The following CYP19A1 variants were observed in gnomAD, a reference collection of about 807,000 sequenced individuals.
CYP19A1 encodes aromatase.
Under a neutral mutation model 44.4 loss-of-function variants are expected in CYP19A1, and 32 were observed. The observed-to-expected ratio is 0.72, with a 90% CI of 0.54 to 0.97. The LOEUF (loss-of-function observed/expected upper bound fraction) is 0.97. Ranked by LOEUF, CYP19A1 falls within the 50% of genes least tolerant of loss-of-function variation. The pLI, the probability that CYP19A1 is intolerant of heterozygous loss-of-function variation, is 0.00. For synonymous variants in CYP19A1, 212 were observed against 215.6 expected (o/e 0.98, Z 0.14); for missense variants, 598 against 637.8 (o/e 0.94, Z 0.67).
Position 51,210,617 on chromosome 15 carries a change from G to T in CYP19A1, c.*191C>A, listed in dbSNP as rs190403648. ...GCCTCTGCTTTTTCTCTTGTAGCCTGGTTCTCTGGTGTGAACAGGAGCAGA... is the reference window on the plus strand; with the variant it reads ...GCCTCTGCTTTTTCTCTTGTAGCCTTGTTCTCTGGTGTGAACAGGAGCAGA... On this transcript the variant is annotated 3_prime_UTR_variant, in exon 10 of 10. Transcript: ENST00000396402. 480 of 718,514 alleles carry T rather than the reference G, an allele frequency of 6.7e-4. 1 individual carries two copies. The highest frequency in any genetic ancestry group is 2.2e-4 in the Non-Finnish European group (85 of 390,890). 44.5% of individuals were successfully genotyped at this position (718,514 alleles called of 1,614,324 possible).
At chr15:51,241,906 C>T (rs1167553453) in intron 2 of CYP19A1, among the ~76,000 whole-genome samples, 1 of 152,116 alleles carries the variant, frequency 6.6e-6, no homozygotes. Context: ...GCCCACCACA[C>T]TTACCAGTGT....
intron 1 of CYP19A1, among the ~76,000 whole-genome samples, chr15:51,259,026 A>C (rs752624700): frequency 1.8e-4 from 28 of 152,166 alleles, no homozygotes; most frequent in Non-Finnish European, 3.4e-4. Context: ...GTGGCAGTTT[A>C]GGCAAATCAG....
At chr15:51,286,577 C>A (rs919568924) in intron 1 of CYP19A1, among the ~76,000 whole-genome samples, 2 of 152,118 alleles carry the variant, frequency 1.3e-5, no homozygotes, top group African/African-American at 2.4e-5. Context: ...ATGTCCAAAG[C>A]CCATGGTGTA....
chr15:51,215,905 G>A (rs2031526604), intron 6 of CYP19A1, 88 bp from the exon 7 acceptor site: 5 of 1,592,286 alleles, frequency 3.1e-6, no homozygotes, highest in Non-Finnish European at 4.3e-6. Flanking sequence ...TAGGTAAAAT[G>A]ATCTGCTTTA....
At chr15:51,267,806 T>C (rs756577250) in intron 1 of CYP19A1, among the ~76,000 whole-genome samples, 41 of 152,318 alleles carry the variant, frequency 2.7e-4, no homozygotes, top group Non-Finnish European at 5.6e-4. Flanking sequence ...GGATTGCCAT[T>C]GAAACCAGCC....
intron 1 of CYP19A1, among the ~76,000 whole-genome samples, chr15:51,268,924 A>AAT (rs1020122098): frequency 2.6e-5 from 4 of 151,936 alleles, no homozygotes; most frequent in Admixed American, 6.6e-5. Flanking sequence ...TGACTTTTTT[A>AAT]ATATATATAT....
intron 4 of CYP19A1, among the ~76,000 whole-genome samples, chr15:51,225,383 C>G (rs773013059): frequency 2.8e-4 from 42 of 152,178 alleles, no homozygotes; most frequent in Non-Finnish European, 1.8e-4. Context: ...ATGAAAAAGT[C>G]AAATGTACAT....
Position 51,325,630 on chromosome 15 carries a change from T to G in CYP19A1, c.-39+12865A>C, listed in dbSNP as rs368523311. ...CGAGGTGGGCGGATCACGAGGTCAGTAGATCAAGACCATCCTGGCTAACAC... is the reference window on the plus strand; with the variant it reads ...CGAGGTGGGCGGATCACGAGGTCAGGAGATCAAGACCATCCTGGCTAACAC... On this transcript the variant is annotated intron_variant, in intron 1 of 9. Transcript: ENST00000396402. Among the ~76,000 whole-genome samples the G allele has an allele frequency of 2.9e-3, 436 of 151,896 alleles. 3 individuals are homozygous for G. The highest frequency in any genetic ancestry group is 9.8e-3 in the African/African-American group (408 of 41,452).
chr15:51,225,916 C>T (rs1250640227), intron 4 of CYP19A1, among the ~76,000 whole-genome samples: 5 of 151,540 alleles, frequency 3.3e-5, no homozygotes, highest in East Asian at 3.9e-4. Context: ...GGTGAAACCC[C>T]GTCTCTACTG....
Position 51,209,723 on chromosome 15 carries a change from G to T in CYP19A1, c.*1085C>A, listed in dbSNP as rs1330230604. On this transcript the variant is annotated 3_prime_UTR_variant, in exon 10 of 10. Coordinates refer to ENST00000396402, the MANE Select transcript of CYP19A1 (RefSeq NM_000103.4). ...GGTAGGATTAAAAAATACTTCAGGG[G>T]TTCTACTCTGACCACGTTCTTTACT... 6.6e-6 allele frequency: 1 copy of T among 152,662 alleles called. No homozygotes were observed. Among genetic ancestry groups the T allele is most frequent in the Admixed American group, 6.6e-5 (1 of 15,254 alleles). 9.5% of individuals were successfully genotyped at this position (152,662 alleles called of 1,614,324 possible).
In CYP19A1 at chr15:51,210,674, A is replaced by C. The variant is rs746707246; in HGVS notation, c.*134T>G. The C allele has an allele frequency of 1.3e-6, 1 of 774,822 alleles. No individual in the cohort carries two copies. Among genetic ancestry groups the C allele is most frequent in the Non-Finnish European group, 2.4e-6 (1 of 422,206 alleles). 48.0% of individuals were successfully genotyped at this position (774,822 alleles called of 1,614,324 possible). The stretch of plus-strand genomic sequence containing the variant: ...ATAGCACCTAGCTTGGTGACAACCC[A>C]TAGGAGGTATGCCTATAAAATGCCA... On this transcript the variant is annotated 3_prime_UTR_variant, in exon 10 of 10. Coordinates refer to ENST00000396402, the MANE Select transcript of CYP19A1 (RefSeq NM_000103.4).
chr15:51,300,465 G>A lies in CYP19A1; in HGVS notation c.-39+38030C>T, dbSNP rs148720604. On this transcript the variant is annotated intron_variant, in intron 1 of 9. Transcript: ENST00000396402. ...TCATCTCTGGGGCAGATGATTGGGT[G>A]TGATAGAGGTTTGAGTCACCTATAG... Among the ~76,000 whole-genome samples the A allele has an allele frequency of 3.2e-3, 493 of 152,338 alleles. 4 individuals are homozygous for A. Among genetic ancestry groups the A allele is most frequent in the African/African-American group, 0.011 (473 of 41,582 alleles).
intron 1 of CYP19A1, among the ~76,000 whole-genome samples, chr15:51,315,477 C>T (rs771533315): frequency 5.9e-5 from 9 of 152,150 alleles, no homozygotes; most frequent in Non-Finnish European, 1.2e-4. Flanking sequence ...TGTTTACTTG[C>T]CTCTGTCCTT....
intron 1 of CYP19A1, among the ~76,000 whole-genome samples, chr15:51,283,163 A>G (rs2035585020): frequency 6.6e-6 from 1 of 152,184 alleles, no homozygotes; most frequent in Non-Finnish European, 1.5e-5. Flanking sequence ...AGTGTAAAGA[A>G]CTAATTTCAG....
chr15:51,225,984 G>A (rs1030161655), intron 4 of CYP19A1, among the ~76,000 whole-genome samples: 3 of 149,364 alleles, frequency 2.0e-5, no homozygotes, highest in African/African-American at 7.4e-5. Context: ...AGCTACTCAG[G>A]AGGCTGAGAC....
At chr15:51,291,600 C>T (rs534875716) in intron 1 of CYP19A1, among the ~76,000 whole-genome samples, 4 of 152,176 alleles carry the variant, frequency 2.6e-5, no homozygotes, top group African/African-American at 9.6e-5. Flanking sequence ...CTAAAGAAGC[C>T]GCAGCAAGAC....
chr15:51,304,965 T>TCTTGG (rs1427505732), intron 1 of CYP19A1, among the ~76,000 whole-genome samples: 6 of 144,602 alleles, frequency 4.1e-5, no homozygotes, highest in Non-Finnish European at 7.5e-5. Context: ...AGTGGCACGA[T>TCTTGG]CTTGGCTTAC....
intron 1 of CYP19A1, among the ~76,000 whole-genome samples, chr15:51,274,920 C>G (rs1197853905): frequency 6.6e-6 from 1 of 152,176 alleles, no homozygotes; most frequent in African/African-American, 2.4e-5. Flanking sequence ...GGGGAGAAAG[C>G]TCTGCTTTCT....
intron 3 of CYP19A1, 86 bp downstream of exon 3, chr15:51,236,773 A>G: frequency 4.6e-6 from 7 of 1,506,142 alleles, no homozygotes; most frequent in Non-Finnish European, 6.4e-6. Context: ...AAACAAAGAC[A>G]TCAAGATTCA....
Sources: allele counts gnomAD v4.1 joint callset (sites outside exome capture counted in the v4.1 genomes callset), GRCh38; gene constraint gnomAD v4.1.1; transcripts MANE v1.5; gene names NCBI Gene and HGNC (gene_info 2026-07-23, HGNC 2026-07-21).